TNKS: variants seen among roughly 807,000 people sequenced by gnomAD.
TNKS encodes tankyrase.
In TNKS, 72 loss-of-function variants were observed where a neutral mutation model predicts 135.8. That is an observed-to-expected ratio of 0.53 (90% CI 0.44 to 0.64). The LOEUF (loss-of-function observed/expected upper bound fraction) is 0.64, where lower values mean the gene tolerates loss of function less well. Ranked by LOEUF, TNKS falls within the 30% of genes least tolerant of loss-of-function variation. The pLI is 0.00. For missense variants in TNKS, 1,769 were observed against 1,674.0 expected, an observed-to-expected ratio of 1.06 and a Z score of -0.99; for synonymous variants, 849 against 649.3, an observed-to-expected ratio of 1.31 and a Z score of -4.68.
At chr8:9,664,777 A>C (rs1801909428) in intron 3 of TNKS, among the ~76,000 whole-genome samples, 2 of 152,226 alleles carry the variant, frequency 1.3e-5, no homozygotes, top group Admixed American at 6.5e-5. Flanking sequence ...ACAAGTATAC[A>C]ACTGTTAATA....
At position 9,776,675 on chromosome 8, in the gene TNKS, ACCAGAT is replaced by A; in HGVS notation, c.3925_3930del (p.Gln1309_Ile1310del). 1 of 1,613,952 alleles carries A rather than the reference ACCAGAT, an allele frequency of 6.2e-7. No homozygotes were observed. Among genetic ancestry groups the A allele is most frequent in the East Asian group, 2.2e-5 (1 of 44,874 alleles). On this transcript the variant is annotated inframe_deletion, in exon 27 of 27. Coordinates refer to ENST00000310430, the MANE Select transcript of TNKS (RefSeq NM_003747.3). The stretch of plus-strand genomic sequence containing the variant: ...GCATACCCAGAGTATCTTATCACTT[ACCAGAT>A]CATGAAGCCAGAAGCCCCTTCCCAG...
At chr8:9,565,116 T>C (rs1797475964) in intron 1 of TNKS, among the ~76,000 whole-genome samples, 1 of 152,200 alleles carries the variant, frequency 6.6e-6, no homozygotes, top group Non-Finnish European at 1.5e-5. Flanking sequence ...ATGTCTAAGT[T>C]TGCTTTCACC....
intron 12 of TNKS, among the ~76,000 whole-genome samples, 164 bp downstream of exon 12, chr8:9,720,709 G>A (rs934496520): frequency 6.6e-6 from 1 of 152,142 alleles, no homozygotes; most frequent in Admixed American, 6.5e-5. Context: ...GTAGGGTAAG[G>A]TAGGTGTCAT....
intron 2 of TNKS, among the ~76,000 whole-genome samples, chr8:9,595,270 T>G (rs367577353): frequency 6.6e-6 from 1 of 151,882 alleles, no homozygotes; most frequent in East Asian, 1.9e-4. Flanking sequence ...ACAGGCACCC[T>G]TGAATTGGGA....
rs1808252630 is a variant in TNKS, at chr8:9,776,944, CA to C, written c.*209del. On this transcript the variant is annotated 3_prime_UTR_variant, in exon 27 of 27. Coordinates refer to ENST00000310430, the MANE Select transcript of TNKS (RefSeq NM_003747.3). Reference sequence around the variant, plus strand: ...ACTGTTCCCTTTGAGGAAATGTTTACAGGGGCGGCCTTTTAACATATCTCAG... The same window carrying C: ...ACTGTTCCCTTTGAGGAAATGTTTACGGGGCGGCCTTTTAACATATCTCAG... 3.9e-6 allele frequency: 2 copies of C among 506,690 alleles called. No homozygotes were observed. The highest frequency in any genetic ancestry group is 6.9e-6 in the Non-Finnish European group (2 of 288,082). 31.4% of individuals were successfully genotyped at this position (506,690 alleles called of 1,614,324 possible).
In TNKS at chr8:9,706,325, A is replaced by G. The variant is rs1022216116; in HGVS notation, c.1269+72A>G. ...TCTTTACCTTGTCATGACTTTCCATACTTTCGGCCTCATGAAAGTTTGTTT... is the reference window on the plus strand; with the variant it reads ...TCTTTACCTTGTCATGACTTTCCATGCTTTCGGCCTCATGAAAGTTTGTTT... On this transcript the variant is annotated intron_variant, in intron 7 of 26. Coordinates refer to ENST00000310430, the MANE Select transcript of TNKS (RefSeq NM_003747.3). 1.4e-5 allele frequency: 17 copies of G among 1,188,652 alleles called. 1 individual carries two copies. Among genetic ancestry groups the G allele is most frequent in the Non-Finnish European group, 2.0e-5 (17 of 855,496 alleles). The allele number at this position is 1,188,652 out of a possible 1,614,324, so 73.6% of individuals were successfully genotyped here.
intron 3 of TNKS, among the ~76,000 whole-genome samples, chr8:9,671,447 T>A (rs1802265480): frequency 6.6e-6 from 1 of 152,234 alleles, no homozygotes; most frequent in South Asian, 2.1e-4. Context: ...AGTACCGATA[T>A]GTCCAACAAC....
intron 5 of TNKS, among the ~76,000 whole-genome samples, chr8:9,691,329 A>T (rs1803256720): frequency 6.6e-6 from 1 of 152,276 alleles, no homozygotes; most frequent in Admixed American, 6.5e-5. Flanking sequence ...GGAGTTCCAC[A>T]TTTCTGGGGC....
intron 1 of TNKS, among the ~76,000 whole-genome samples, chr8:9,579,678 A>C (rs1798095069): frequency 6.6e-6 from 1 of 152,152 alleles, no homozygotes; most frequent in South Asian, 2.1e-4. Flanking sequence ...CATGTTGGCC[A>C]GGCTGGTCTT....
chr8:9,769,865 A>G (rs950238484), intron 25 of TNKS, among the ~76,000 whole-genome samples: 4 of 151,886 alleles, frequency 2.6e-5, no homozygotes, highest in African/African-American at 9.7e-5. Flanking sequence ...GGCATTTTCT[A>G]TGGCCGATTC....
chr8:9,754,456 G>C (rs2128829825), intron 20 of TNKS, among the ~76,000 whole-genome samples: 1 of 152,088 alleles, frequency 6.6e-6, no homozygotes, highest in East Asian at 1.9e-4. Flanking sequence ...TTAAAAACCA[G>C]GTCTTTTTTC....
At chr8:9,591,568 G>T (rs547525346) in intron 2 of TNKS, among the ~76,000 whole-genome samples, 1 of 152,250 alleles carries the variant, frequency 6.6e-6, no homozygotes, top group African/African-American at 2.4e-5. Context: ...TATTTTTTGT[G>T]AAGTGTGCAT....
At chr8:9,687,200 T>C (rs914692437) in intron 5 of TNKS, among the ~76,000 whole-genome samples, 1 of 152,224 alleles carries the variant, frequency 6.6e-6, no homozygotes, top group African/African-American at 2.4e-5. Flanking sequence ...ATACCAGTTT[T>C]AAATTTCCAA....
chr8:9,568,300 A>T (rs912450380), intron 1 of TNKS, among the ~76,000 whole-genome samples: 1 of 152,198 alleles, frequency 6.6e-6, no homozygotes, highest in African/African-American at 2.4e-5. Flanking sequence ...TAGTTCAGTA[A>T]CAGCTCGAGA....
intron 5 of TNKS, among the ~76,000 whole-genome samples, chr8:9,699,841 A>C (rs56318154): frequency 2.0e-5 from 3 of 152,336 alleles, no homozygotes; most frequent in South Asian, 4.1e-4. Context: ...AATCTTAAGT[A>C]ATTTTCTGCT....
At chr8:9,571,560 C>G (rs949981703) in intron 1 of TNKS, among the ~76,000 whole-genome samples, 8 of 152,106 alleles carry the variant, frequency 5.3e-5, no homozygotes, top group Non-Finnish European at 1.2e-4. Context: ...CGGGTTCACG[C>G]CATTCTCCTG....
intron 25 of TNKS, among the ~76,000 whole-genome samples, chr8:9,769,768 C>T (rs1186842976): frequency 2.6e-5 from 4 of 151,828 alleles, no homozygotes; most frequent in Admixed American, 6.6e-5. Flanking sequence ...TACAGGCGCC[C>T]GCCACCACAC....
chr8:9,721,311 T>TATATATATATATATATATATATAA (rs1412056948), intron 12 of TNKS, among the ~76,000 whole-genome samples: 1 of 145,132 alleles, frequency 6.9e-6, no homozygotes, highest in East Asian at 2.0e-4. Flanking sequence ...TATATATATA[T>TATATATATATATATATATATATAA]AAAATTATAA....
In TNKS at chr8:9,556,117, C is replaced by G. The variant is rs778919240; in HGVS notation, c.178C>G (p.Arg60Gly). The G allele has an allele frequency of 6.2e-6, 10 of 1,600,952 alleles. No homozygotes were observed. The African/African-American group carries it at 1.2e-4, about 19-fold the overall frequency. Residue 60 changes from arginine to glycine, a missense_variant, in exon 1 of 27, where the codon CGG (arginine) becomes GGG (glycine). Physicochemically the swap from Arg to Gly is moderately radical, Grantham distance 125. Coordinates refer to ENST00000310430, the MANE Select transcript of TNKS (RefSeq NM_003747.3). ...ASGLAPFASP[R>G]HGLALPEGDG... ...CGGCCTGGCCCCCTTCGCCTCCCCG[C>G]GGCACGGCCTAGCGCTGCCGGAGGG...
Sources: gnomAD v4.1 joint callset for allele counts (sites outside exome capture counted in the v4.1 genomes callset) on GRCh38, gnomAD v4.1.1 for gene constraint, MANE v1.5 for transcripts, NCBI Gene and HGNC (gene_info 2026-07-23, HGNC 2026-07-21) for gene names.